USH2A: variants seen among roughly 807,000 people sequenced by gnomAD.
The protein encoded by USH2A is Usher syndrome 2A (autosomal recessive, mild).
USH2A carries 443 observed loss-of-function variants against 538.9 expected under a neutral mutation model. The observed-to-expected ratio is 0.82, with a 90% confidence interval of 0.76 to 0.89. The LOEUF is 0.89. USH2A is among the 40% of genes least tolerant of loss of function. The probability of loss-of-function intolerance (pLI) is 0.00; values close to 1 mark genes in which losing one functional copy is unlikely to be tolerated. For missense variants in USH2A, 6,633 were observed against 6,324.8 expected (o/e 1.05, Z -1.65); for synonymous variants, 2,413 against 2,273.5 (o/e 1.06, Z -1.75).
chr1:216,349,388 A>G (rs1180809059), intron 4 of USH2A, among the ~76,000 whole-genome samples: 2 of 152,126 alleles, frequency 1.3e-5, no homozygotes, highest in Admixed American at 6.5e-5. Context: ...GGGGCTCCGT[A>G]AAATAAGGCT....
intron 35 of USH2A, among the ~76,000 whole-genome samples, chr1:215,987,777 T>C (rs1667906491): frequency 6.6e-6 from 1 of 152,170 alleles, no homozygotes; most frequent in Admixed American, 6.5e-5. Context: ...TACTGCCTTT[T>C]GAAAGAATGA....
rs190191686 is a variant in USH2A at position 215,870,547 on chromosome 1, G to T, written c.8682-3377C>A. Among the ~76,000 whole-genome samples the T allele has an allele frequency of 2.7e-5, 4 of 150,330 alleles. No individual in the cohort carries two copies. The East Asian group carries it at 7.9e-4, about 30-fold the overall frequency. On this transcript the variant is annotated intron_variant, in intron 43 of 71. Coordinates refer to ENST00000307340, the MANE Select transcript of USH2A (RefSeq NM_206933.4). ...TCTGACCTCATGATCCACCCACCTCGGCCTCCCACTGCTGGGATTCTGTAC... is the reference window on the plus strand; with the variant it reads ...TCTGACCTCATGATCCACCCACCTCTGCCTCCCACTGCTGGGATTCTGTAC...
chr1:215,950,371 G>A (rs1666882192), intron 37 of USH2A, among the ~76,000 whole-genome samples: 1 of 151,968 alleles, frequency 6.6e-6, no homozygotes, highest in Non-Finnish European at 1.5e-5. Context: ...ATGATATAAT[G>A]TTAAATGTGT....
At chr1:216,208,935 T>C (rs552171858) in intron 15 of USH2A, among the ~76,000 whole-genome samples, 65 of 152,306 alleles carry the variant, frequency 4.3e-4, no homozygotes, top group Admixed American at 1.6e-3. Context: ...GCTGTTCCTA[T>C]GAGCAGCCTC....
At chr1:216,092,155 C>T (rs2102568191) in intron 22 of USH2A, among the ~76,000 whole-genome samples, 1 of 152,232 alleles carries the variant, frequency 6.6e-6, no homozygotes, top group African/African-American at 2.4e-5. Flanking sequence ...ATCCTACCAA[C>T]AGTTATTGAG....
Position 216,083,505 on chromosome 1 carries a change from TTTA to T in USH2A, c.5246_5248del (p.Leu1749_Asn1750delinsTyr). 1 of 1,612,636 alleles carries T rather than the reference TTTA, an allele frequency of 6.2e-7. No individual in the cohort carries two copies. Among genetic ancestry groups the T allele is most frequent in the Non-Finnish European group, 8.5e-7 (1 of 1,179,226 alleles). On this transcript the variant is annotated inframe_deletion, in exon 26 of 72. Coordinates refer to ENST00000307340, the MANE Select transcript of USH2A (RefSeq NM_206933.4). ...GTTATAAACGAAAAGAAGCAATCCATTTAATTGGTCAGTTCTGAACTTAAAGGA... is the reference window on the plus strand; with the variant it reads ...GTTATAAACGAAAAGAAGCAATCCATATTGGTCAGTTCTGAACTTAAAGGA...
At chr1:215,946,701 G>A (rs963452697) in intron 37 of USH2A, among the ~76,000 whole-genome samples, 5 of 152,114 alleles carry the variant, frequency 3.3e-5, no homozygotes, top group Non-Finnish European at 7.4e-5. Context: ...TATGGCTATT[G>A]AGCACTTGAA....
rs745844589 is a variant in USH2A at position 215,650,597 on chromosome 1, T to C, written c.14338A>G (p.Thr4780Ala). Reference sequence around the variant, plus strand: ...TTTTTAGCTCTGCTGCTCACCACTGTCTCAGCCCCATGGGCGCTGCTGGAG... The same window carrying C: ...TTTTTAGCTCTGCTGCTCACCACTGCCTCAGCCCCATGGGCGCTGCTGGAG... ...LFSSSAHGAETVLSEGMATQQ... is the reference protein window; with the variant it reads ...LFSSSAHGAEAVLSEGMATQQ... Residue 4780 changes from threonine (T) to alanine (A), a missense_variant, in exon 65 of 72, where the codon ACA becomes GCA. Transcript: ENST00000307340. 14 of 1,614,022 alleles carry C rather than the reference T, an allele frequency of 8.7e-6. No homozygotes were observed. The East Asian group carries it at 2.9e-4, about 33-fold the overall frequency.
At chr1:216,171,538 T>C (rs1480569573) in intron 21 of USH2A, among the ~76,000 whole-genome samples, 4 of 152,092 alleles carry the variant, frequency 2.6e-5, no homozygotes, top group Non-Finnish European at 5.9e-5. Context: ...AACTGCAGAA[T>C]ACTCTCACTT....
chr1:216,329,286 C>T (rs1008966068), intron 4 of USH2A, among the ~76,000 whole-genome samples: 4 of 152,078 alleles, frequency 2.6e-5, no homozygotes, highest in Admixed American at 6.6e-5. Context: ...AGTTAATTGG[C>T]CATCCAGGCA....
chr1:215,705,496 AGATTGT>A (rs374452988), intron 61 of USH2A, among the ~76,000 whole-genome samples: 222 of 152,356 alleles, frequency 1.5e-3, no homozygotes, highest in African/African-American at 5.0e-3. Context: ...AGTGATTATA[AGATTGT>A]TAGATGCATG....
chr1:216,148,895 T>C (rs1295266918), intron 21 of USH2A, among the ~76,000 whole-genome samples: 14 of 152,008 alleles, frequency 9.2e-5, no homozygotes, highest in Admixed American at 7.2e-4. Flanking sequence ...GCAAATTACC[T>C]AGGCTGTACT....
chr1:216,141,437 C>A (rs765053784), intron 21 of USH2A, among the ~76,000 whole-genome samples: 4 of 152,180 alleles, frequency 2.6e-5, no homozygotes, highest in Non-Finnish European at 5.9e-5. Context: ...TCCTAGCAAG[C>A]TCAGCATACT....
chr1:216,039,383 G>C lies in USH2A; in HGVS notation c.6325+7048C>G, dbSNP rs188601949. ...GTACAATTTAATACTATATGACTGA[G>C]ACATCAAAGGGAAACATGGTATGAC... On this transcript the variant is annotated intron_variant, in intron 32 of 71. Coordinates refer to ENST00000307340, the MANE Select transcript of USH2A (RefSeq NM_206933.4). Among the ~76,000 whole-genome samples the C allele has an allele frequency of 2.0e-5, 3 of 152,038 alleles. No individual in the cohort carries two copies. The East Asian group carries it at 5.8e-4, about 29-fold the overall frequency.
At chr1:215,865,136 TCA>T (rs939007346) in intron 44 of USH2A, among the ~76,000 whole-genome samples, 1 of 152,172 alleles carries the variant, frequency 6.6e-6, no homozygotes, top group African/African-American at 2.4e-5. Flanking sequence ...AGGCCACCTT[TCA>T]CAGAGGATCG....
intron 40 of USH2A, among the ~76,000 whole-genome samples, chr1:215,895,099 A>G (rs1665298715): frequency 6.6e-6 from 1 of 152,116 alleles, no homozygotes; most frequent in African/African-American, 2.4e-5. Flanking sequence ...AGGAAATCTC[A>G]AGGGAAAAAC....
chr1:216,339,008 C>T (rs1332062520), intron 4 of USH2A, among the ~76,000 whole-genome samples: 1 of 151,512 alleles, frequency 6.6e-6, no homozygotes, highest in East Asian at 1.9e-4. Flanking sequence ...CCTATGATAC[C>T]TTTCACTGTG....
At chr1:215,915,640 G>C (rs1665934096) in intron 38 of USH2A, among the ~76,000 whole-genome samples, 1 of 151,934 alleles carries the variant, frequency 6.6e-6, no homozygotes, top group African/African-American at 2.4e-5. Flanking sequence ...GATTCCTCAG[G>C]GATCTAGAAC....
intron 41 of USH2A, among the ~76,000 whole-genome samples, chr1:215,885,868 C>A (rs1665037855): frequency 6.6e-6 from 1 of 152,182 alleles, no homozygotes; most frequent in Admixed American, 6.5e-5. Context: ...CTTGTATTAT[C>A]CCCCACCCTA....
Sources: allele counts gnomAD v4.1 joint callset (sites outside exome capture counted in the v4.1 genomes callset), GRCh38; gene constraint gnomAD v4.1.1; transcripts MANE v1.5; gene names NCBI Gene and HGNC (gene_info 2026-07-23, HGNC 2026-07-21).